The following DGKH variants were observed in gnomAD, a reference collection of about 807,000 sequenced individuals.
DGKH encodes the protein diacylglycerol kinase eta.
In DGKH, 90 loss-of-function variants were observed where a neutral mutation model predicts 159.3. That is an observed-to-expected ratio of 0.57 (90% CI 0.48 to 0.67). DGKH has a LOEUF of 0.67. DGKH is among the 30% of genes least tolerant of loss of function. The pLI, the probability that DGKH is intolerant of heterozygous loss-of-function variation, is 0.00. For synonymous variants in DGKH, 536 were observed against 553.8 expected, an observed-to-expected ratio of 0.97 and a Z score of 0.45; for missense variants, 1,181 against 1,506.1, an observed-to-expected ratio of 0.78 and a Z score of 3.57.
At chr13:42,146,484 T>C (rs1955736087) in intron 3 of DGKH, among the ~76,000 whole-genome samples, 1 of 152,218 alleles carries the variant, frequency 6.6e-6, no homozygotes, top group Non-Finnish European at 1.5e-5. Flanking sequence ...TTGCACATTG[T>C]AATAGCAAAA....
intron 3 of DGKH, among the ~76,000 whole-genome samples, chr13:42,142,146 A>T (rs1416907961): frequency 2.6e-5 from 4 of 152,168 alleles, no homozygotes; most frequent in Non-Finnish European, 4.4e-5. Context: ...CATTTATTAA[A>T]TAGGGAATCG....
chr13:42,111,280 G>A (rs527994346), intron 1 of DGKH, among the ~76,000 whole-genome samples: 20 of 152,276 alleles, frequency 1.3e-4, no homozygotes, highest in Admixed American at 9.8e-4. Context: ...TACAGAGGGT[G>A]ATTAGAATAT....
chr13:42,062,568 G>A (rs1024358010), intron 1 of DGKH, among the ~76,000 whole-genome samples: 7 of 152,172 alleles, frequency 4.6e-5, no homozygotes, highest in Admixed American at 3.3e-4. Context: ...TTCCTTGGGG[G>A]AACCAAAGAA....
At chr13:42,169,154 G>A (rs1594134668) in intron 11 of DGKH, among the ~76,000 whole-genome samples, 1 of 152,136 alleles carries the variant, frequency 6.6e-6, no homozygotes, top group African/African-American at 2.4e-5. Flanking sequence ...TTTGTGGGGG[G>A]CCTTTTGATG....
intron 22 of DGKH, 116 bp downstream of exon 22, chr13:42,209,188 A>G (rs931679097): frequency 5.9e-6 from 8 of 1,366,458 alleles, no homozygotes; most frequent in South Asian, 1.4e-5. Context: ...CTTTGTTGTC[A>G]TATCAGTTTT....
chr13:42,047,760 A>G (rs1407702549), upstream of DGKH, among the ~76,000 whole-genome samples: 2 of 151,930 alleles, frequency 1.3e-5, no homozygotes, highest in African/African-American at 4.8e-5. Flanking sequence ...CAGGACTTCC[A>G]AGGCTTTTTG....
At chr13:42,069,141 A>G in intron 1 of DGKH, 1 of 1,401,350 alleles carries the variant, frequency 7.1e-7, no homozygotes, top group Non-Finnish European at 1.0e-6. Context: ...CTCTCTCCCC[A>G]AGCTTCCCAT....
intron 29 of DGKH, among the ~76,000 whole-genome samples, chr13:42,250,416 CA>C (rs1958613189): frequency 6.6e-6 from 1 of 152,150 alleles, no homozygotes; most frequent in Admixed American, 6.5e-5. Context: ...GAACCTTTAT[CA>C]TTTCTTGATG....
chr13:42,125,675 G>T (rs566866249), intron 1 of DGKH, among the ~76,000 whole-genome samples: 10 of 152,258 alleles, frequency 6.6e-5, no homozygotes, highest in African/African-American at 2.4e-4. Context: ...AATTCTTATT[G>T]AAATTCAAAG....
chr13:42,048,813 G>C lies in DGKH; in HGVS notation c.40G>C (p.Ala14Pro). ...AGGCCAGCACCACCCTCCGGGCGCC[G>C]CTGGAGGAGCGGCCGCCGGAGCCGG... is the stretch of plus-strand genomic sequence containing the variant. The part of the protein sequence containing the change: ...AGGQHHPPGA[A>P]GGAAAGAGAA... Residue 14 changes from alanine to proline, a missense_variant, in exon 1 of 30, where the codon GCT becomes CCT. Coordinates refer to ENST00000337343, the MANE Select transcript of DGKH (RefSeq NM_178009.5). This position sits in a 1 kb window ranked among gnomAD's most constrained non-coding sequence, Gnocchi z 6.7. The C allele has an allele frequency of 7.5e-7, 1 of 1,329,010 alleles. No individual in the cohort carries two copies. Among genetic ancestry groups the C allele is most frequent in the South Asian group, 2.2e-5 (1 of 46,146 alleles). 82.3% of individuals were successfully genotyped at this position (1,329,010 alleles called of 1,614,324 possible).
chr13:42,110,557 G>A (rs1242969723), intron 1 of DGKH, among the ~76,000 whole-genome samples: 1 of 116,164 alleles, frequency 8.6e-6, no homozygotes, highest in Non-Finnish European at 1.9e-5. Flanking sequence ...CATTTGATAA[G>A]GAAGAAGTAA....
chr13:42,175,861 TTTC>T (rs1956589368), intron 12 of DGKH, among the ~76,000 whole-genome samples: 1 of 152,228 alleles, frequency 6.6e-6, no homozygotes, highest in South Asian at 2.1e-4. Context: ...AGACTAAATC[TTTC>T]TTCTTAGCTT....
chr13:42,095,903 G>C (rs1453308075), intron 1 of DGKH, among the ~76,000 whole-genome samples: 1 of 152,124 alleles, frequency 6.6e-6, no homozygotes, highest in Non-Finnish European at 1.5e-5. Flanking sequence ...TAAATTTATA[G>C]AACAGAGTAC....
chr13:42,048,808 G>GCGCCGCTGGAGGAGCGGC lies in DGKH; in HGVS notation c.41_58dup (p.Ala14_Ala19dup). The GCGCCGCTGGAGGAGCGGC allele has an allele frequency of 7.6e-7, 1 of 1,323,570 alleles. No homozygotes were observed. The highest frequency in any genetic ancestry group is 4.1e-5 in the Admixed American group (1 of 24,118). The allele number at this position is 1,323,570 out of a possible 1,614,324, so 82.0% of individuals were successfully genotyped here. ...GCCGGAGGCCAGCACCACCCTCCGG[G>GCGCCGCTGGAGGAGCGGC]CGCCGCTGGAGGAGCGGCCGCCGGA... On this transcript the variant is annotated inframe_insertion, in exon 1 of 30. Coordinates refer to ENST00000337343, the MANE Select transcript of DGKH (RefSeq NM_178009.5). This position sits in a 1 kb window ranked among gnomAD's most constrained non-coding sequence, Gnocchi z 6.7.
intron 29 of DGKH, among the ~76,000 whole-genome samples, chr13:42,247,911 G>A (rs1958593844): frequency 6.6e-6 from 1 of 152,264 alleles, no homozygotes; most frequent in East Asian, 1.9e-4. Context: ...GTACAAAAGA[G>A]TCAAAAAGTT....
At chr13:42,059,834 G>C (rs1882012488) in intron 1 of DGKH, among the ~76,000 whole-genome samples, 1 of 151,410 alleles carries the variant, frequency 6.6e-6, no homozygotes, top group Non-Finnish European at 1.5e-5. Flanking sequence ...TGCCAATTTG[G>C]ATGCTATTGA....
intron 13 of DGKH, among the ~76,000 whole-genome samples, chr13:42,182,819 A>C (rs1956808538): frequency 6.6e-6 from 1 of 151,822 alleles, no homozygotes; most frequent in South Asian, 2.1e-4. Context: ...ATTCTCTAAC[A>C]CTATCAATAT....
At chr13:42,148,607 C>T (rs1209385837) in intron 3 of DGKH, among the ~76,000 whole-genome samples, 1 of 152,170 alleles carries the variant, frequency 6.6e-6, no homozygotes, top group African/African-American at 2.4e-5. Flanking sequence ...CAGTTATCTT[C>T]CTAAAATGAG....
At chr13:42,080,929 G>A (rs1286445076) in intron 1 of DGKH, among the ~76,000 whole-genome samples, 1 of 152,122 alleles carries the variant, frequency 6.6e-6, no homozygotes, top group South Asian at 2.1e-4. Flanking sequence ...TCACTTTACA[G>A]GCGAGGAAAC....
Sources: gnomAD v4.1 joint callset for allele counts (sites outside exome capture counted in the v4.1 genomes callset) on GRCh38, gnomAD v4.1.1 for gene constraint, Gnocchi (gnomAD v3.1) non-coding constraint, MANE v1.5 for transcripts, NCBI Gene and HGNC (gene_info 2026-07-23, HGNC 2026-07-21) for gene names.